Variants in SPARC observed in about 807,000 individuals in gnomAD.
SPARC encodes basement-membrane protein 40.
Under a neutral mutation model 37.7 loss-of-function variants are expected in SPARC, and 23 were observed. That is an observed-to-expected ratio of 0.61 (90% CI 0.44 to 0.87). The LOEUF is 0.87. Among genes scored for constraint, SPARC ranks in the 40% least tolerant of loss-of-function variants. The pLI, the probability that SPARC is intolerant of heterozygous loss-of-function variation, is 0.00. For missense variants in SPARC, 312 were observed against 389.0 expected (o/e 0.80, Z 1.66); for synonymous variants, 155 against 150.8 (o/e 1.03, Z -0.20).
intron 6 of SPARC, among the ~76,000 whole-genome samples, chr5:151,668,177 G>A (rs1760671822): frequency 7.0e-6 from 1 of 143,192 alleles, no homozygotes; most frequent in Admixed American, 7.2e-5. Flanking sequence ...TTTTTAGACA[G>A]GGTCTCACTC....
At chr5:151,683,342 C>T (rs929833488) in intron 1 of SPARC, among the ~76,000 whole-genome samples, 1 of 152,206 alleles carries the variant, frequency 6.6e-6, no homozygotes, top group Non-Finnish European at 1.5e-5. Flanking sequence ...GTGCTGCTCA[C>T]CACTTAGTAT....
At chr5:151,682,132 G>A (rs183783766) in intron 1 of SPARC, among the ~76,000 whole-genome samples, 58 of 152,298 alleles carry the variant, frequency 3.8e-4, no homozygotes, top group African/African-American at 1.3e-3. Context: ...TTGACTCCCT[G>A]CTTCCACTTC....
At chr5:151,680,214 A>ATTTTT (rs1258425937) in intron 1 of SPARC, among the ~76,000 whole-genome samples, 31 of 89,974 alleles carry the variant, frequency 3.4e-4, no homozygotes, top group Non-Finnish European at 4.4e-4. Flanking sequence ...AGTGGAAAAC[A>ATTTTT]TCTTTTTTTT....
At chr5:151,679,943 G>A (rs1760947290) in intron 1 of SPARC, among the ~76,000 whole-genome samples, 1 of 152,152 alleles carries the variant, frequency 6.6e-6, no homozygotes, top group Non-Finnish European at 1.5e-5. Context: ...TGGGTGGAAA[G>A]AACTTATGGA....
chr5:151,666,032 C>T (rs978633347), intron 8 of SPARC, among the ~76,000 whole-genome samples: 2 of 152,192 alleles, frequency 1.3e-5, no homozygotes, highest in African/African-American at 4.8e-5. Flanking sequence ...TGTGGCTGAC[C>T]CAACCTTGTC....
In SPARC at chr5:151,667,338, G is replaced by A. The variant is rs568814220; in HGVS notation, c.585+129C>T. 96 of 976,020 alleles carry A rather than the reference G, an allele frequency of 9.8e-5. No individual in the cohort carries two copies. The African/African-American group carries it at 9.9e-4, about 10-fold the overall frequency. The allele number at this position is 976,020 out of a possible 1,614,324, so 60.5% of individuals were successfully genotyped here. On this transcript the variant is annotated intron_variant, in intron 7 of 9. Transcript: ENST00000231061. ...CCTCCAAAGGCAGGAAGAGAAGTACGTGTCCTGGTGCTCAGGGGTAAATGC... is the reference window on the plus strand; with the variant it reads ...CCTCCAAAGGCAGGAAGAGAAGTACATGTCCTGGTGCTCAGGGGTAAATGC...
rs778977021 is a variant in SPARC, at chr5:151,669,637, A to C, written c.451+27T>G. Reference sequence around the variant, plus strand: ...CTCAGAGCTCTCTCCCCAAGACAGGAGTCTGGAAGGGCCCAAGGACACTCA... The same window carrying C: ...CTCAGAGCTCTCTCCCCAAGACAGGCGTCTGGAAGGGCCCAAGGACACTCA... On this transcript the variant is annotated intron_variant, in intron 6 of 9. Coordinates refer to ENST00000231061, the MANE Select transcript of SPARC (RefSeq NM_003118.4). 1.9e-6 allele frequency: 3 copies of C among 1,611,676 alleles called. No individual in the cohort carries two copies. The African/African-American group carries it at 4.0e-5, about 22-fold the overall frequency.
intron 3 of SPARC, 151 bp downstream of exon 3, chr5:151,674,461 G>T: frequency 1.4e-6 from 1 of 695,144 alleles, no homozygotes. Context: ...GTCAGGATGT[G>T]GGATATACTC....
chr5:151,666,124 G>C (rs1471963124), intron 8 of SPARC, among the ~76,000 whole-genome samples: 1 of 152,202 alleles, frequency 6.6e-6, no homozygotes, highest in East Asian at 1.9e-4. Context: ...GTACTTGCAG[G>C]ATTATGGAGC....
intron 2 of SPARC, 75 bp from the exon 3 acceptor site, chr5:151,674,749 C>T (rs944105667): frequency 1.1e-5 from 16 of 1,414,224 alleles, no homozygotes; most frequent in Admixed American, 3.4e-5. Context: ...CCTGTGGCCT[C>T]GGATACAGGC....
chr5:151,681,000 G>C (rs1013849826), intron 1 of SPARC, among the ~76,000 whole-genome samples: 6 of 152,214 alleles, frequency 3.9e-5, no homozygotes, highest in Non-Finnish European at 1.5e-5. Flanking sequence ...CCAGCCTCCA[G>C]AGGATACAGT....
At chr5:151,674,165 C>T (rs1561920603) in intron 3 of SPARC, among the ~76,000 whole-genome samples, 2 of 152,070 alleles carry the variant, frequency 1.3e-5, no homozygotes, top group Non-Finnish European at 2.9e-5. Context: ...GCACCCGCCA[C>T]CACGCCCAGC....
chr5:151,669,552 GGAGA>G lies in SPARC; in HGVS notation c.451+108_451+111del, dbSNP rs1475467225. 5.5e-6 allele frequency: 7 copies of G among 1,264,102 alleles called. No homozygotes were observed. In the Admixed American group the frequency reaches 7.5e-5, roughly 14 times the overall value. The allele number at this position is 1,264,102 out of a possible 1,614,324, so 78.3% of individuals were successfully genotyped here. The stretch of plus-strand genomic sequence containing the variant: ...AATGGGGATGCCGAGACTCAGAAAG[GGAGA>G]GAGATTTGCCCAAGATCACCCAGCA... On this transcript the variant is annotated intron_variant, in intron 6 of 9. Transcript: ENST00000231061.
chr5:151,665,500 A>G (rs2288810), intron 8 of SPARC, among the ~76,000 whole-genome samples: 27,308 of 151,808 alleles, frequency 0.18, 4,569 homozygotes, highest in African/African-American at 0.45. Context: ...CTAGAGAGGA[A>G]GTTCCCTGAG....
At chr5:151,667,728 C>A (rs1760661387) in intron 6 of SPARC, 128 bp from the exon 7 acceptor site, 1 of 1,001,684 alleles carries the variant, frequency 1.0e-6, no homozygotes. Flanking sequence ...CTCTCCAGGC[C>A]ACAGTTTCTT....
At chr5:151,685,947 GAAAGGT>G (rs1761130295) in intron 1 of SPARC, 1 of 152,186 alleles carries the variant, frequency 6.6e-6, no homozygotes, top group Admixed American at 6.5e-5. Flanking sequence ...TGGCGGCGAA[GAAAGGT>G]AGTGGATTTG....
At chr5:151,676,105 A>C in intron 2 of SPARC, 27 bp downstream of exon 2, 1 of 1,599,174 alleles carries the variant, frequency 6.3e-7, no homozygotes, top group Non-Finnish European at 8.5e-7. Flanking sequence ...GAATGAAAAC[A>C]AGAAGACATG....
At chr5:151,685,944 G>A (rs932081385) in intron 1 of SPARC, 8 of 152,134 alleles carry the variant, frequency 5.3e-5, no homozygotes, top group African/African-American at 1.7e-4. Context: ...CAGTGGCGGC[G>A]AAGAAAGGTA....
intron 3 of SPARC, among the ~76,000 whole-genome samples, chr5:151,674,247 G>C (rs766278952): frequency 1.3e-5 from 2 of 152,034 alleles, no homozygotes; most frequent in Non-Finnish European, 2.9e-5. Context: ...TCCTGACCTC[G>C]TGAATTGCCT....
Sources: allele counts gnomAD v4.1 joint callset (sites outside exome capture counted in the v4.1 genomes callset), GRCh38; gene constraint gnomAD v4.1.1; transcripts MANE v1.5; gene names NCBI Gene and HGNC (gene_info 2026-07-23, HGNC 2026-07-21).